The following AAK1 variants were observed in gnomAD, a reference collection of about 807,000 sequenced individuals.
AAK1 encodes AP2 associated kinase 1, also known as AP2-associated protein kinase 1.
A neutral mutation model predicts 116.0 loss-of-function variants in AAK1; 37 were observed. That is an observed-to-expected ratio of 0.32 (90% CI 0.25 to 0.42). AAK1 has a LOEUF of 0.42. Ranked by LOEUF, AAK1 falls within the 10% of genes least tolerant of loss-of-function variation. AAK1 has a pLI of 1.00. For synonymous variants in AAK1, 458 were observed against 439.9 expected, an observed-to-expected ratio of 1.04 and a Z score of -0.51; for missense variants, 919 against 1,170.6, an observed-to-expected ratio of 0.79 and a Z score of 3.14.
intron 2 of AAK1, among the ~76,000 whole-genome samples, chr2:69,639,484 A>G (rs1407109746): frequency 6.6e-6 from 1 of 152,198 alleles, no homozygotes; most frequent in Non-Finnish European, 1.5e-5. Context: ...CTCTAAACTC[A>G]TAACTTAAAG....
Position 69,475,919 on chromosome 2 carries a change from G to T in AAK1, c.2836C>A (p.Pro946Thr). Reference protein sequence around the residue: ...NSSGSSESSLPNLARSLLLVD... With the variant: ...NSSGSSESSLTNLARSLLLVD... ...AGCAGTAAAGACCTGGCTAGGTTGG[G>T]AAGACTGGACTCAGAGCTCCCACTG... Residue 946 changes from proline (P) to threonine (T), a missense_variant, in exon 22 of 22, where the codon CCC (proline) becomes ACC (threonine). Around this residue, in one of 4 missense-constraint regions of AAK1, gnomAD observed 263 missense variants for 285.5 expected, o/e 0.92. Transcript: ENST00000409085. 6.2e-7 allele frequency: 1 copy of T among 1,612,666 alleles called. No homozygotes were observed. The highest frequency in any genetic ancestry group is 8.5e-7 in the Non-Finnish European group (1 of 1,179,446).
chr2:69,490,506 C>T (rs1157973202), intron 17 of AAK1, among the ~76,000 whole-genome samples: 1 of 152,066 alleles, frequency 6.6e-6, no homozygotes, highest in Non-Finnish European at 1.5e-5. Flanking sequence ...CTGACATATC[C>T]TACAACATGA....
chr2:69,634,284 T>A (rs1374314728), intron 2 of AAK1, among the ~76,000 whole-genome samples: 2 of 152,226 alleles, frequency 1.3e-5, no homozygotes, highest in Non-Finnish European at 1.5e-5. Context: ...TTCAAGTTCA[T>A]TCACTGCTAC....
intron 2 of AAK1, among the ~76,000 whole-genome samples, chr2:69,589,138 A>T (rs1672913718): frequency 6.6e-6 from 1 of 152,230 alleles, no homozygotes; most frequent in South Asian, 2.1e-4. Flanking sequence ...CCTTGGTCAG[A>T]GATGTGGCCG....
chr2:69,565,411 C>A (rs1671821651), intron 2 of AAK1, among the ~76,000 whole-genome samples: 1 of 152,252 alleles, frequency 6.6e-6, no homozygotes, highest in Non-Finnish European at 1.5e-5. Flanking sequence ...TCCATCTTTA[C>A]AAGGGCCTGT....
Position 69,530,527 on chromosome 2 carries a change from C to T in AAK1, c.738+98G>A, listed in dbSNP as rs921287210. On this transcript the variant is annotated intron_variant, in intron 7 of 21. Transcript: ENST00000409085. ...GGGGTAAGTAGACCATGATATGGTA[C>T]AGTAGCCACCATGCTATAGCGCTGT... The T allele has an allele frequency of 8.1e-6, 8 of 986,790 alleles. No individual in the cohort carries two copies. The African/African-American group carries it at 1.1e-4, about 14-fold the overall frequency. 61.1% of individuals were successfully genotyped at this position (986,790 alleles called of 1,614,324 possible).
At chr2:69,480,261 A>C (rs60447458) in intron 19 of AAK1, among the ~76,000 whole-genome samples, 4,522 of 129,950 alleles carry the variant, frequency 0.035, 232 homozygotes, top group East Asian at 0.19. Flanking sequence ...AATTATGGAC[A>C]AAAAAAAAAA....
intron 5 of AAK1, among the ~76,000 whole-genome samples, chr2:69,534,357 C>T (rs1263292607): frequency 6.6e-6 from 1 of 152,196 alleles, no homozygotes; most frequent in East Asian, 1.9e-4. Context: ...GGCCCCCATC[C>T]TTACTTCCAA....
rs1454340474 is a variant in AAK1 at position 69,470,446 on chromosome 2, A to AT, written c.*5422dup. 1.0e-5 allele frequency: 10 copies of AT among 985,324 alleles called. No individual in the cohort carries two copies. The African/African-American group carries it at 1.4e-4, about 14-fold the overall frequency. 61.0% of individuals were successfully genotyped at this position (985,324 alleles called of 1,614,324 possible). On this transcript the variant is annotated 3_prime_UTR_variant, in exon 22 of 22. Transcript: ENST00000409085. The stretch of plus-strand genomic sequence containing the variant: ...AATTAAGCATTTGGTTCCACCATAT[A>AT]TTAGGTAGCTGCATTAAAACCCACG...
chr2:69,550,596 C>CT (rs989152224), intron 3 of AAK1, among the ~76,000 whole-genome samples: 115 of 148,192 alleles, frequency 7.8e-4, no homozygotes, highest in South Asian at 1.1e-3. Context: ...TGCCCGGCCT[C>CT]TTTTTTTTTT....
intron 2 of AAK1, among the ~76,000 whole-genome samples, chr2:69,587,177 T>C (rs954421633): frequency 6.6e-6 from 1 of 151,746 alleles, no homozygotes; most frequent in African/African-American, 2.4e-5. Flanking sequence ...CTCGACCTCC[T>C]GGGCTCAAGC....
chr2:69,487,382 G>A (rs1675337015), intron 17 of AAK1, among the ~76,000 whole-genome samples: 1 of 152,178 alleles, frequency 6.6e-6, no homozygotes, highest in South Asian at 2.1e-4. Context: ...GTATCATGAT[G>A]GGGCATGGAG....
intron 2 of AAK1, among the ~76,000 whole-genome samples, chr2:69,633,191 C>T (rs1675282229): frequency 6.9e-6 from 1 of 144,042 alleles, no homozygotes. Context: ...TGCACTCCAG[C>T]CTGGGCAACA....
chr2:69,540,890 T>A (rs1670685893), intron 5 of AAK1, among the ~76,000 whole-genome samples: 1 of 152,216 alleles, frequency 6.6e-6, no homozygotes, highest in Non-Finnish European at 1.5e-5. Flanking sequence ...AAACAAAATG[T>A]GGTACATCCA....
At chr2:69,619,410 T>A (rs1321497385) in intron 2 of AAK1, among the ~76,000 whole-genome samples, 3 of 152,116 alleles carry the variant, frequency 2.0e-5, no homozygotes, top group African/African-American at 7.2e-5. Context: ...TGTCTCAGAG[T>A]GTGAAATTTC....
At chr2:69,580,897 C>T (rs1672515871) in intron 2 of AAK1, among the ~76,000 whole-genome samples, 1 of 152,132 alleles carries the variant, frequency 6.6e-6, no homozygotes, top group Non-Finnish European at 1.5e-5. Context: ...AAATGATGGT[C>T]ACCACCAGCC....
chr2:69,523,985 GT>G, intron 10 of AAK1, among the ~76,000 whole-genome samples: 1 of 152,256 alleles, frequency 6.6e-6, no homozygotes, highest in African/African-American at 2.4e-5. Context: ...CTCCCTCCCT[GT>G]TTTCCCTCAC....
In AAK1 at chr2:69,611,380, C is replaced by T. The variant is rs560578471; in HGVS notation, c.163+31498G>A. On this transcript the variant is annotated intron_variant, in intron 2 of 21. Coordinates refer to ENST00000409085, the MANE Select transcript of AAK1 (RefSeq NM_014911.5). ...ACTCGGACCAGTGGCTTCCTGGGGG[C>T]TTTTGGGCCTTCGGCCTCAGACTGG... Among the ~76,000 whole-genome samples, 36 of 152,316 alleles carry T rather than the reference C, an allele frequency of 2.4e-4. No homozygotes were observed. In the South Asian group the frequency reaches 7.2e-3, roughly 31 times the overall value.
rs1674649581 is a variant in AAK1 at position 69,470,805 on chromosome 2, C to T, written c.*5064G>A. On this transcript the variant is annotated 3_prime_UTR_variant, in exon 22 of 22. Transcript: ENST00000409085. ...TGTGTAGCTATACTTTTCTTGTGCC[C>T]AGGTACTTATTGTCACTCAATACTG... 1.0e-6 allele frequency: 1 copy of T among 985,666 alleles called. No homozygotes were observed. The highest frequency in any genetic ancestry group is 1.2e-6 in the Non-Finnish European group (1 of 829,920). 61.1% of individuals were successfully genotyped at this position (985,666 alleles called of 1,614,324 possible). A position where few individuals can be genotyped will look rare whatever the true frequency, so the allele number is the denominator to read the frequency against.
Sources: allele counts gnomAD v4.1 joint callset (sites outside exome capture counted in the v4.1 genomes callset), GRCh38; gene constraint gnomAD v4.1.1; regional missense constraint gnomAD v4.1.1; transcripts MANE v1.5; gene names NCBI Gene and HGNC (gene_info 2026-07-23, HGNC 2026-07-21).